CDH19: variants seen among roughly 807,000 people sequenced by gnomAD.
CDH19 encodes cadherin 19, also known as cadherin-19.
A neutral mutation model predicts 64.2 loss-of-function variants in CDH19; 67 were observed. The ratio of observed to expected loss-of-function variants is 1.04; its 90% CI spans 0.86 to 1.28. The LOEUF (loss-of-function observed/expected upper bound fraction) is 1.28, where lower values mean the gene tolerates loss of function less well. CDH19 is among the 50% of genes most tolerant of loss of function. CDH19 has a pLI of 0.00. For missense variants in CDH19, 1,030 were observed against 929.0 expected (o/e 1.11, Z -1.41); for synonymous variants, 346 against 319.3 (o/e 1.08, Z -0.89).
chr18:66,562,493 A>G (rs1253609351), intron 3 of CDH19, among the ~76,000 whole-genome samples: 1 of 151,906 alleles, frequency 6.6e-6, no homozygotes, highest in Non-Finnish European at 1.5e-5. Context: ...GTAAATACAA[A>G]TGAGGCTTAG....
At position 66,535,063 on chromosome 18, in the gene CDH19, C is replaced by T. The variant is rs772377503; in HGVS notation, c.1259G>A (p.Gly420Asp). Residue 420 changes from glycine (G) to aspartate (D), a missense_variant, in exon 8 of 12, where the codon GGT becomes GAT. By Grantham distance (94) the Gly-to-Asp change is moderately conservative. Coordinates refer to ENST00000262150, the MANE Select transcript of CDH19 (RefSeq NM_021153.4). ...CAGTGAGTTACTTGTAGTGATTGTACCATTATCATTGATATTGAACACTTT... is the reference window on the plus strand; with the variant it reads ...CAGTGAGTTACTTGTAGTGATTGTATCATTATCATTGATATTGAACACTTT... ...RSKVFNINDN[G>D]TITTSNSLDR... 4.7e-6 allele frequency: 7 copies of T among 1,504,994 alleles called. No individual in the cohort carries two copies. Among genetic ancestry groups the T allele is most frequent in the African/African-American group, 2.8e-5 (2 of 72,670 alleles). The allele number at this position is 1,504,994 out of a possible 1,614,324, so 93.2% of individuals were successfully genotyped here.
At chr18:66,600,026 A>AATAAAGATAGATAGG (rs1387681052) in intron 1 of CDH19, among the ~76,000 whole-genome samples, 3 of 151,972 alleles carry the variant, frequency 2.0e-5, no homozygotes, top group African/African-American at 7.2e-5. Flanking sequence ...TGGATTTAAA[A>AATAAAGATAGATAGG]ATAAAGATAG....
intron 9 of CDH19, among the ~76,000 whole-genome samples, chr18:66,512,497 A>G (rs1321729159): frequency 6.6e-6 from 1 of 151,520 alleles, no homozygotes; most frequent in Non-Finnish European, 1.5e-5. Context: ...TATGTCAAAC[A>G]AAAATAGCCT....
chr18:66,550,048 ACAAT>A (rs1384038582), intron 5 of CDH19, among the ~76,000 whole-genome samples: 1 of 152,130 alleles, frequency 6.6e-6, no homozygotes, highest in Non-Finnish European at 1.5e-5. Flanking sequence ...CTGTCTATAA[ACAAT>A]CAATAACTAA....
chr18:66,555,101 A>G (rs1987469496), intron 3 of CDH19, among the ~76,000 whole-genome samples: 1 of 151,856 alleles, frequency 6.6e-6, no homozygotes, highest in Non-Finnish European at 1.5e-5. Context: ...GCAGATATTG[A>G]TAACATAAGC....
At chr18:66,522,163 T>C (rs1393745446) in intron 9 of CDH19, among the ~76,000 whole-genome samples, 2 of 151,372 alleles carry the variant, frequency 1.3e-5, no homozygotes, top group African/African-American at 4.9e-5. Flanking sequence ...TTAGCCAGAA[T>C]GGTCTCAATC....
At chr18:66,577,585 G>T (rs1599030476) in intron 1 of CDH19, among the ~76,000 whole-genome samples, 3 of 152,004 alleles carry the variant, frequency 2.0e-5, no homozygotes, top group East Asian at 3.9e-4. Context: ...AAATTTAGAT[G>T]AAATACTTGT....
chr18:66,511,156 T>C (rs887254652), intron 10 of CDH19, among the ~76,000 whole-genome samples: 2 of 150,226 alleles, frequency 1.3e-5, no homozygotes, highest in Non-Finnish European at 3.0e-5. Flanking sequence ...AAGCTCCTAA[T>C]TGATGACCCT....
In CDH19 at chr18:66,561,288, T is replaced by A. The variant is rs149979326; in HGVS notation, c.491-6764A>T. ...TGGGACAAATGCTTCTAGGACATGA[T>A]GACAGAAACATAGAAGTAAAGCAGA... On this transcript the variant is annotated intron_variant, in intron 3 of 11. Coordinates refer to ENST00000262150, the MANE Select transcript of CDH19 (RefSeq NM_021153.4). Among the ~76,000 whole-genome samples, 855 of 152,198 alleles carry A rather than the reference T, an allele frequency of 5.6e-3. 12 individuals are homozygous for A. Among genetic ancestry groups the A allele is most frequent in the African/African-American group, 0.019 (798 of 41,554 alleles).
At chr18:66,551,327 A>C in intron 4 of CDH19, 69 bp from the exon 5 acceptor site, 1 of 863,762 alleles carries the variant, frequency 1.2e-6, no homozygotes. Flanking sequence ...TAATTTCTTA[A>C]CCATTGCAGT....
Position 66,503,030 on chromosome 18 carries a change from AAATT to A in CDH19, c.*1778_*1781del, listed in dbSNP as rs1985013936. ...CTTCATCAATATTTCAAAATTACTCAAATTATTTGATTTAACATATATGGCCAGT... is the reference window on the plus strand; with the variant it reads ...CTTCATCAATATTTCAAAATTACTCAATTTGATTTAACATATATGGCCAGT... On this transcript the variant is annotated 3_prime_UTR_variant, in exon 12 of 12. Transcript: ENST00000262150. 6.6e-6 allele frequency: 1 copy of A among 151,858 alleles called. No individual in the cohort carries two copies. Among genetic ancestry groups the A allele is most frequent in the African/African-American group, 2.4e-5 (1 of 41,438 alleles). 9.4% of individuals were successfully genotyped at this position (151,858 alleles called of 1,614,324 possible).
chr18:66,552,120 C>T (rs1389486360), intron 4 of CDH19, among the ~76,000 whole-genome samples: 1 of 151,834 alleles, frequency 6.6e-6, no homozygotes, highest in Non-Finnish European at 1.5e-5. Context: ...ATGCTCACTA[C>T]CTGTGTGTGA....
chr18:66,563,428 T>C (rs1987794453), intron 3 of CDH19, among the ~76,000 whole-genome samples: 1 of 152,020 alleles, frequency 6.6e-6, no homozygotes, highest in African/African-American at 2.4e-5. Flanking sequence ...ATACTTTGAT[T>C]AATCTGAAAC....
intron 2 of CDH19, 39 bp from the exon 3 acceptor site, chr18:66,568,749 CTGAAA>C: frequency 6.9e-7 from 1 of 1,458,238 alleles, no homozygotes; most frequent in Non-Finnish European, 9.2e-7. Flanking sequence ...TTCCAAACAT[CTGAAA>C]TGGACAAATC....
At chr18:66,574,656 G>A (rs1357187062) in intron 1 of CDH19, among the ~76,000 whole-genome samples, 1 of 151,600 alleles carries the variant, frequency 6.6e-6, no homozygotes, top group African/African-American at 2.4e-5. Context: ...TAGAACCAAT[G>A]AAATTTAGAA....
intron 1 of CDH19, among the ~76,000 whole-genome samples, chr18:66,583,727 T>A (rs996004492): frequency 2.0e-5 from 3 of 151,984 alleles, no homozygotes; most frequent in African/African-American, 4.8e-5. Flanking sequence ...AATCATCTAA[T>A]CTTTGACAAA....
Position 66,544,846 on chromosome 18 carries a change from A to G in CDH19, c.833T>C (p.Ile278Thr). Reference protein sequence around the residue: ...SAPTGTSIGTIMAYDNDIGEN... With the variant: ...SAPTGTSIGTTMAYDNDIGEN... ...TCCTATGTCATTATCATATGCCATG[A>G]TTGTTCCTATAGAAGTCCCAGTGGG... Residue 278 changes from isoleucine (I) to threonine (T), a missense_variant, in exon 6 of 12, where the codon ATC becomes ACC. Coordinates refer to ENST00000262150, the MANE Select transcript of CDH19 (RefSeq NM_021153.4). 6.2e-7 allele frequency: 1 copy of G among 1,612,984 alleles called. No individual in the cohort carries two copies. Among genetic ancestry groups the G allele is most frequent in the Non-Finnish European group, 8.5e-7 (1 of 1,179,274 alleles).
intron 3 of CDH19, among the ~76,000 whole-genome samples, chr18:66,558,367 T>A (rs1987598689): frequency 6.6e-6 from 1 of 151,664 alleles, no homozygotes; most frequent in Non-Finnish European, 1.5e-5. Flanking sequence ...TTTTCTACTT[T>A]CTTTTCCCTC....
chr18:66,516,462 A>G (rs1985743258), intron 9 of CDH19, among the ~76,000 whole-genome samples: 1 of 152,060 alleles, frequency 6.6e-6, no homozygotes, highest in Admixed American at 6.6e-5. Flanking sequence ...TAAATTGAGA[A>G]TGGTACAGTA....
Sources: allele counts gnomAD v4.1 joint callset (sites outside exome capture counted in the v4.1 genomes callset), GRCh38; gene constraint gnomAD v4.1.1; transcripts MANE v1.5; gene names NCBI Gene and HGNC (gene_info 2026-07-23, HGNC 2026-07-21).